Variants in CFAP20DC observed in about 807,000 individuals in gnomAD.
CFAP20DC encodes CFAP20 domain containing.
CFAP20DC carries 84 observed loss-of-function variants against 101.7 expected under a neutral mutation model. That is an observed-to-expected ratio of 0.83 (90% CI 0.69 to 0.99). The LOEUF (loss-of-function observed/expected upper bound fraction) is 0.99, where lower values mean the gene tolerates loss of function less well. CFAP20DC is among the 50% of genes least tolerant of loss of function. CFAP20DC has a pLI of 0.00. For missense variants in CFAP20DC, 1,007 were observed against 970.3 expected (o/e 1.04, Z -0.50); for synonymous variants, 359 against 351.2 (o/e 1.02, Z -0.25).
intron 14 of CFAP20DC, among the ~76,000 whole-genome samples, chr3:58,807,832 T>C (rs980110813): frequency 2.6e-5 from 4 of 152,092 alleles, no homozygotes; most frequent in Non-Finnish European, 2.9e-5. Context: ...TTTAGAAGAA[T>C]GTATAACTAG....
At chr3:58,730,018 C>CAAAAAAA (rs769033730) in intron 3 of CFAP20DC, among the ~76,000 whole-genome samples, 3 of 53,508 alleles carry the variant, frequency 5.6e-5, no homozygotes, top group Non-Finnish European at 8.2e-5. Flanking sequence ...AACCTGTCTC[C>CAAAAAAA]AAAAAAAAAA....
In CFAP20DC at chr3:58,849,222, T is replaced by G. The variant is rs1386753883; in HGVS notation, c.1781A>C (p.Asn594Thr). 6.5e-7 allele frequency: 1 copy of G among 1,536,098 alleles called. No individual in the cohort carries two copies. The highest frequency in any genetic ancestry group is 2.4e-5 in the East Asian group (1 of 40,924). The change falls in exon 13 of 17, where the codon AAC (asparagine) becomes ACC (threonine). Residue 594 changes from asparagine (N) to threonine (T), a missense_variant. By Grantham distance (65) the Asn-to-Thr change is moderately conservative. Coordinates refer to ENST00000482387, the MANE Select transcript of CFAP20DC (RefSeq NM_001394063.1). ...TGTAGGCAACAAACTCATTTCAAAGTTATTTCTATCTATTTGCTCCATCGA... is the reference window on the plus strand; with the variant it reads ...TGTAGGCAACAAACTCATTTCAAAGGTATTTCTATCTATTTGCTCCATCGA... The part of the protein sequence containing the change: ...DSSMEQIDRN[N>T]FEMSLLPTTC...
chr3:58,911,611 T>A (rs553451209), intron 6 of CFAP20DC, among the ~76,000 whole-genome samples: 4 of 152,164 alleles, frequency 2.6e-5, no homozygotes. Context: ...TATAATATAG[T>A]AACACTTATA....
At chr3:58,910,800 T>C (rs1047314582) in intron 6 of CFAP20DC, among the ~76,000 whole-genome samples, 18 of 152,120 alleles carry the variant, frequency 1.2e-4, no homozygotes, top group African/African-American at 3.9e-4. Flanking sequence ...TTTTTGGTTT[T>C]ATATCTTCAG....
rs2084266463 is a variant in CFAP20DC at position 58,912,596 on chromosome 3, T to C, written c.550+1112A>G. On this transcript the variant is annotated intron_variant, in intron 6 of 16. Transcript: ENST00000482387. The surrounding 1 kb of genome is among the most constrained non-coding windows in gnomAD (Gnocchi z 4.4). ...ACATCTTATATGCAGCCCTGCTTCC[T>C]GGACTTCTAGAAGAATTGATTTAAC... 2.5e-6 allele frequency: 1 copy of C among 394,232 alleles called. No homozygotes were observed. The highest frequency in any genetic ancestry group is 3.2e-5 in the Admixed American group (1 of 31,126). 24.4% of individuals were successfully genotyped at this position (394,232 alleles called of 1,614,324 possible). A position where few individuals can be genotyped will look rare whatever the true frequency, so the allele number is the denominator to read the frequency against.
chr3:58,856,169 G>A (rs2078791742), intron 12 of CFAP20DC, among the ~76,000 whole-genome samples: 3 of 150,738 alleles, frequency 2.0e-5, no homozygotes, highest in South Asian at 4.2e-4. Context: ...GTACACTAAG[G>A]ATGAGAACTG....
intron 4 of CFAP20DC, among the ~76,000 whole-genome samples, chr3:58,985,492 C>A (rs2092720341): frequency 1.3e-5 from 2 of 152,118 alleles, no homozygotes; most frequent in South Asian, 4.2e-4. Context: ...AACTATCAAT[C>A]CCTTGCCTAC....
chr3:58,819,609 G>A (rs1411845618), intron 14 of CFAP20DC, among the ~76,000 whole-genome samples: 1 of 148,858 alleles, frequency 6.7e-6, no homozygotes, highest in Non-Finnish European at 1.5e-5. Flanking sequence ...TTGAATCTCT[G>A]AATAGACCAA....
chr3:58,899,773 G>C lies in CFAP20DC; in HGVS notation c.550+13935C>G, dbSNP rs1008489163. 2.6e-5 allele frequency among the ~76,000 whole-genome samples: 4 copies of C among 152,120 alleles called. No individual in the cohort carries two copies. The highest frequency in any genetic ancestry group is 9.7e-5 in the African/African-American group (4 of 41,430). On this transcript the variant is annotated intron_variant, in intron 6 of 16. Transcript: ENST00000482387. The surrounding 1 kb of genome is among the most constrained non-coding windows in gnomAD (Gnocchi z 5.0). ...CCCGGATGGGCCATCACCCCACCCT[G>C]CTTTTTTTCCATTCTCTGCAGGTCA... is the stretch of plus-strand genomic sequence containing the variant.
In CFAP20DC at chr3:58,788,670, C is replaced by T. The variant is rs928384533; in HGVS notation, c.2237+17725G>A. ...AATGTGGAACTGTATATTAGACACA[C>T]ATTTAGGGCACTAATCTAGTATATA... On this transcript the variant is annotated intron_variant, in intron 15 of 16. Transcript: ENST00000482387. The surrounding 1 kb of genome is among the most constrained non-coding windows in gnomAD (Gnocchi z 4.2). Among the ~76,000 whole-genome samples, 2 of 151,870 alleles carry T rather than the reference C, an allele frequency of 1.3e-5. No individual in the cohort carries two copies. Among genetic ancestry groups the T allele is most frequent in the Non-Finnish European group, 2.9e-5 (2 of 67,978 alleles).
At position 58,753,767 on chromosome 3, in the gene CFAP20DC, A is replaced by G; in HGVS notation, c.2332+2T>C. ...TATGCATATCGTTTTTCATAGTCCCACCTTGAACACTCAAACTTTCACAGG... is the reference window on the plus strand; with the variant it reads ...TATGCATATCGTTTTTCATAGTCCCGCCTTGAACACTCAAACTTTCACAGG... On this transcript the variant is annotated splice_donor_variant, in intron 16 of 16. Coordinates refer to ENST00000482387, the MANE Select transcript of CFAP20DC (RefSeq NM_001394063.1). LOFTEE classifies it high-confidence loss of function. 6.2e-7 allele frequency: 1 copy of G among 1,602,468 alleles called. No homozygotes were observed. The highest frequency in any genetic ancestry group is 8.5e-7 in the Non-Finnish European group (1 of 1,170,486).
chr3:58,839,709 C>A (rs1401820175), intron 13 of CFAP20DC, among the ~76,000 whole-genome samples: 1 of 152,154 alleles, frequency 6.6e-6, no homozygotes, highest in Non-Finnish European at 1.5e-5. Flanking sequence ...ACAGCCAACT[C>A]ATACTTCTGA....
intron 5 of CFAP20DC, among the ~76,000 whole-genome samples, chr3:58,915,387 T>C (rs761071531): frequency 5.9e-5 from 9 of 152,148 alleles, no homozygotes; most frequent in Non-Finnish European, 1.0e-4. Context: ...ATCATAATTA[T>C]TAACCTTATT....
intron 4 of CFAP20DC, among the ~76,000 whole-genome samples, chr3:58,946,314 A>T (rs2089353794): frequency 6.6e-6 from 1 of 151,248 alleles, no homozygotes; most frequent in Admixed American, 6.6e-5. Context: ...GACAGGTTTC[A>T]CTATGTTGGC....
At position 58,914,008 on chromosome 3, in the gene CFAP20DC, A is replaced by G; in HGVS notation, c.394-144T>C. 1 of 815,954 alleles carries G rather than the reference A, an allele frequency of 1.2e-6. No homozygotes were observed. The highest frequency in any genetic ancestry group is 2.7e-5 in the East Asian group (1 of 37,650). 50.5% of individuals were successfully genotyped at this position (815,954 alleles called of 1,614,324 possible). A position where few individuals can be genotyped will look rare whatever the true frequency, so the allele number is the denominator to read the frequency against. ...CTAATTTTCCTCTTTAGGTAAACTT[A>G]TCTCTGTTTTGGCTTAAAAACTGAC... On this transcript the variant is annotated intron_variant, in intron 5 of 16. Coordinates refer to ENST00000482387, the MANE Select transcript of CFAP20DC (RefSeq NM_001394063.1). The surrounding 1 kb of genome is among the most constrained non-coding windows in gnomAD (Gnocchi z 4.9).
intron 15 of CFAP20DC, among the ~76,000 whole-genome samples, chr3:58,756,153 A>G (rs2068935743): frequency 6.6e-6 from 1 of 152,108 alleles, no homozygotes; most frequent in Non-Finnish European, 1.5e-5. Context: ...GTGCACTCAC[A>G]TTGGTTCCTC....
At chr3:59,005,414 T>C (rs1292788980) in intron 4 of CFAP20DC, among the ~76,000 whole-genome samples, 1 of 152,230 alleles carries the variant, frequency 6.6e-6, no homozygotes, top group Non-Finnish European at 1.5e-5. Context: ...TAGTTTGTTA[T>C]GCAGAAGAAG....
intron 6 of CFAP20DC, among the ~76,000 whole-genome samples, chr3:58,909,082 G>A (rs1286409152): frequency 6.6e-6 from 1 of 152,062 alleles, no homozygotes; most frequent in African/African-American, 2.4e-5. Context: ...GCTAGACACA[G>A]GTCTTTACCT....
At chr3:58,792,586 T>A (rs1367291764) in intron 15 of CFAP20DC, among the ~76,000 whole-genome samples, 1 of 152,036 alleles carries the variant, frequency 6.6e-6, no homozygotes, top group Non-Finnish European at 1.5e-5. Flanking sequence ...TAAAAACTTT[T>A]ACTTTCTGAT....
Sources: allele counts gnomAD v4.1 joint callset (sites outside exome capture counted in the v4.1 genomes callset), GRCh38; gene constraint gnomAD v4.1.1; non-coding constraint Gnocchi (gnomAD v3.1); transcripts MANE v1.5; gene names NCBI Gene and HGNC (gene_info 2026-07-23, HGNC 2026-07-21).